RIT2: variants seen among roughly 807,000 people sequenced by gnomAD.
RIT2 encodes GTP-binding protein Rit2.
A neutral mutation model predicts 23.7 loss-of-function variants in RIT2; 24 were observed. The observed-to-expected ratio is 1.01, with a 90% confidence interval of 0.73 to 1.43. RIT2 has a LOEUF of 1.43. Ranked by LOEUF, RIT2 falls within the 40% of genes most tolerant of loss-of-function variation. RIT2 has a pLI of 0.00. For synonymous variants in RIT2, 107 were observed against 91.1 expected (o/e 1.17, Z -0.99); for missense variants, 236 against 266.9 (o/e 0.88, Z 0.81).
At chr18:42,820,535 G>C (rs942557403) in intron 4 of RIT2, among the ~76,000 whole-genome samples, 5 of 152,102 alleles carry the variant, frequency 3.3e-5, no homozygotes, top group African/African-American at 1.2e-4. Context: ...GAAGGGACTG[G>C]AATGAAGAAG....
intron 1 of RIT2, among the ~76,000 whole-genome samples, chr18:43,113,807 T>C (rs1914005912): frequency 6.6e-6 from 1 of 152,180 alleles, no homozygotes; most frequent in Admixed American, 6.5e-5. Context: ...CAGAGGCACA[T>C]TATTGCGACA....
chr18:42,894,749 T>C (rs1416596593), intron 4 of RIT2, among the ~76,000 whole-genome samples: 1 of 152,174 alleles, frequency 6.6e-6, no homozygotes, highest in African/African-American at 2.4e-5. Flanking sequence ...GGGGAAGAAA[T>C]TATACTGTAG....
intron 2 of RIT2, among the ~76,000 whole-genome samples, chr18:43,009,240 T>C (rs953367381): frequency 6.6e-6 from 1 of 151,524 alleles, no homozygotes; most frequent in Non-Finnish European, 1.5e-5. Flanking sequence ...AGTCACAAAC[T>C]TTTTTTTAAA....
chr18:43,029,143 T>C (rs1911798129), intron 2 of RIT2, among the ~76,000 whole-genome samples: 1 of 152,056 alleles, frequency 6.6e-6, no homozygotes, highest in South Asian at 2.1e-4. Flanking sequence ...AGCATTTTAT[T>C]CTTTTTTTGT....
chr18:42,870,663 A>T (rs1907597696), intron 4 of RIT2, among the ~76,000 whole-genome samples: 1 of 152,230 alleles, frequency 6.6e-6, no homozygotes, highest in East Asian at 1.9e-4. Context: ...AATTCTAGGC[A>T]AGAAAACAAC....
chr18:42,878,261 T>C (rs1157968375), intron 4 of RIT2, among the ~76,000 whole-genome samples: 2 of 151,586 alleles, frequency 1.3e-5, no homozygotes, highest in African/African-American at 4.8e-5. Context: ...GTTAATAGCA[T>C]AGTTGATTAA....
intron 4 of RIT2, among the ~76,000 whole-genome samples, chr18:42,831,314 C>A (rs565639350): frequency 6.6e-6 from 1 of 152,294 alleles, no homozygotes; most frequent in East Asian, 1.9e-4. Context: ...TCTAGACAAG[C>A]AAATGCTTCA....
intron 4 of RIT2, among the ~76,000 whole-genome samples, chr18:42,888,634 C>G (rs1019082104): frequency 6.6e-6 from 1 of 151,710 alleles, no homozygotes; most frequent in South Asian, 2.1e-4. Context: ...GCAGTATTCA[C>G]AATAGCAAAG....
At chr18:42,909,829 G>A (rs947513038) in intron 4 of RIT2, among the ~76,000 whole-genome samples, 1 of 151,862 alleles carries the variant, frequency 6.6e-6, no homozygotes, top group Non-Finnish European at 1.5e-5. Flanking sequence ...TCTTTAGAAA[G>A]TAAAGAATAG....
rs1240608345 is a variant in RIT2 at position 42,923,749 on chromosome 18, G to A, written c.249C>T (p.Ala83=). 22 of 1,592,982 alleles carry A rather than the reference G, an allele frequency of 1.4e-5. No homozygotes were observed. The highest frequency in any genetic ancestry group is 1.9e-5 in the Non-Finnish European group (22 of 1,173,328). ...CACCTCGCATGTACTGCTCCCGCAT[G>A]GCTGTGAATTCTGCCTGCAGGAAAA... The part of the protein sequence containing the change: ...LDTAGQAEFT[A]MREQYMRGGE... Residue 83 remains alanine, a synonymous_variant, in exon 4 of 5, where the codon GCC becomes GCT. Transcript: ENST00000326695.
At chr18:42,804,861 T>A in intron 4 of RIT2, among the ~76,000 whole-genome samples, 1 of 152,178 alleles carries the variant, frequency 6.6e-6, no homozygotes. Context: ...TTTTCCTAGA[T>A]ATTCCCTAAT....
intron 4 of RIT2, among the ~76,000 whole-genome samples, chr18:42,901,937 C>T (rs1309051915): frequency 6.6e-6 from 1 of 151,816 alleles, no homozygotes; most frequent in African/African-American, 2.4e-5. Context: ...TTAACCAAAA[C>T]ATGTTTATTG....
chr18:42,929,034 G>GATATATATATATATATATAT (rs770619793), intron 3 of RIT2, among the ~76,000 whole-genome samples: 2,939 of 96,264 alleles, frequency 0.031, 81 homozygotes, highest in East Asian at 0.051. Context: ...AAAATATGGA[G>GATATATATATATATATATAT]ATATATATAT....
chr18:42,973,042 GC>G (rs1469003358), intron 3 of RIT2, among the ~76,000 whole-genome samples: 2 of 151,666 alleles, frequency 1.3e-5, no homozygotes, highest in African/African-American at 4.8e-5. Flanking sequence ...TAATACTTTT[GC>G]ATAACATCTA....
intron 4 of RIT2, among the ~76,000 whole-genome samples, chr18:42,868,318 T>C (rs186597578): frequency 1.3e-3 from 192 of 152,314 alleles, no homozygotes; most frequent in African/African-American, 4.3e-3. Context: ...TTAGTTTTCA[T>C]TTCCATACTC....
At chr18:42,960,787 G>A (rs1246954479) in intron 3 of RIT2, among the ~76,000 whole-genome samples, 2 of 152,152 alleles carry the variant, frequency 1.3e-5, no homozygotes, top group Non-Finnish European at 2.9e-5. Flanking sequence ...TTTGTTGTCA[G>A]CAAATATATT....
In RIT2 at chr18:42,974,054, G is replaced by A. The variant is rs1362023319; in HGVS notation, c.234+20C>T. The A allele has an allele frequency of 1.9e-6, 3 of 1,568,202 alleles. No homozygotes were observed. Among genetic ancestry groups the A allele is most frequent in the Admixed American group, 1.7e-5 (1 of 59,124 alleles). Reference sequence around the variant, plus strand: ...ATAAAATAAACTCAGAGATTGGAGAGGTTTAAGAACATCACCTACCTGGCC... The same window carrying A: ...ATAAAATAAACTCAGAGATTGGAGAAGTTTAAGAACATCACCTACCTGGCC... On this transcript the variant is annotated intron_variant, in intron 3 of 4. Coordinates refer to ENST00000326695, the MANE Select transcript of RIT2 (RefSeq NM_002930.4).
chr18:43,095,373 T>C (rs999693575), intron 1 of RIT2, among the ~76,000 whole-genome samples: 2 of 151,912 alleles, frequency 1.3e-5, no homozygotes, highest in Middle Eastern at 3.2e-3. Flanking sequence ...TTGAGAAGTG[T>C]CTATTCATAT....
intron 4 of RIT2, among the ~76,000 whole-genome samples, chr18:42,783,473 A>G (rs1314973816): frequency 6.6e-6 from 1 of 152,198 alleles, no homozygotes; most frequent in African/African-American, 2.4e-5. Flanking sequence ...CTTCAGGAGT[A>G]ATAAAGAATT....
Sources: allele counts gnomAD v4.1 joint callset (sites outside exome capture counted in the v4.1 genomes callset), GRCh38; gene constraint gnomAD v4.1.1; transcripts MANE v1.5; gene names NCBI Gene and HGNC (gene_info 2026-07-23, HGNC 2026-07-21).